The following TENT4A variants were observed in gnomAD, a reference collection of about 807,000 sequenced individuals.
TENT4A encodes the protein DNA polymerase kappa.
TENT4A carries 7 observed loss-of-function variants against 72.8 expected under a neutral mutation model. That is an observed-to-expected ratio of 0.10 (90% CI 0.05 to 0.18). The LOEUF is 0.18. Among genes scored for constraint, TENT4A ranks in the 10% least tolerant of loss-of-function variants. The pLI is 1.00. For synonymous variants in TENT4A, 456 were observed against 434.3 expected, an observed-to-expected ratio of 1.05 and a Z score of -0.62; for missense variants, 831 against 1,017.7, an observed-to-expected ratio of 0.82 and a Z score of 2.50.
chr5:6,746,841 C>T (rs1742130209), intron 7 of TENT4A, among the ~76,000 whole-genome samples: 1 of 152,134 alleles, frequency 6.6e-6, no homozygotes, highest in Non-Finnish European at 1.5e-5. Context: ...TGAACACATC[C>T]CACAACGCAA....
intron 1 of TENT4A, among the ~76,000 whole-genome samples, chr5:6,725,890 T>C (rs779271024): frequency 1.6e-4 from 25 of 152,202 alleles, no homozygotes; most frequent in Non-Finnish European, 3.2e-4. Context: ...GTGTCCAACT[T>C]CAGTTGGAAA....
chr5:6,724,970 T>A lies in TENT4A; in HGVS notation c.716+10271T>A, dbSNP rs1010782884. On this transcript the variant is annotated intron_variant, in intron 1 of 12. Transcript: ENST00000230859. ...AGGTAGTCTCACTCCGTAGCCTGTCTCTTTAGCCACTGGAAATGTAGAGCA... is the reference window on the plus strand; with the variant it reads ...AGGTAGTCTCACTCCGTAGCCTGTCACTTTAGCCACTGGAAATGTAGAGCA... Among the ~76,000 whole-genome samples the A allele has an allele frequency of 2.8e-4, 43 of 152,324 alleles. 1 individual carries two copies. The highest frequency in any genetic ancestry group is 2.6e-3 in the Admixed American group (40 of 15,294).
At chr5:6,718,696 AG>A (rs1451128047) in intron 1 of TENT4A, among the ~76,000 whole-genome samples, 3 of 152,260 alleles carry the variant, frequency 2.0e-5, no homozygotes, top group Non-Finnish European at 4.4e-5. Flanking sequence ...ATTTAGTAAT[AG>A]CATCACTTGT....
chr5:6,721,714 C>A (rs547489213), intron 1 of TENT4A, among the ~76,000 whole-genome samples: 1 of 152,054 alleles, frequency 6.6e-6, no homozygotes, highest in Non-Finnish European at 1.5e-5. Flanking sequence ...ACAGGGTGGG[C>A]GAGATGGGAG....
At chr5:6,717,585 A>C (rs551031916) in intron 1 of TENT4A, among the ~76,000 whole-genome samples, 1 of 152,360 alleles carries the variant, frequency 6.6e-6, no homozygotes, top group Non-Finnish European at 1.5e-5. Flanking sequence ...TGGTGCAAGA[A>C]CCTTCAGAGG....
rs752249306 is a variant in TENT4A, at chr5:6,754,851, G to A, written c.2285G>A (p.Gly762Asp). The change falls in exon 13 of 13, where the codon GGC becomes GAC. Residue 762 changes from glycine to aspartate, a missense_variant. By Grantham distance (94) the Gly-to-Asp change is moderately conservative. Around this residue, in one of 3 missense-constraint regions of TENT4A, gnomAD observed 332 missense variants for 324.3 expected, o/e 1.02. Transcript: ENST00000230859. ...VGSGGVRPPVGNRGHHQYNRT... is the reference protein window; with the variant it reads ...VGSGGVRPPVDNRGHHQYNRT... Reference sequence around the variant, plus strand: ...AGCGGAGGTGTGCGGCCCCCTGTGGGCAACAGGGGACACCACCAGTATAAC... The same window carrying A: ...AGCGGAGGTGTGCGGCCCCCTGTGGACAACAGGGGACACCACCAGTATAAC... 6 of 1,610,092 alleles carry A rather than the reference G, an allele frequency of 3.7e-6. No homozygotes were observed. The highest frequency in any genetic ancestry group is 3.4e-6 in the Non-Finnish European group (4 of 1,177,330).
At chr5:6,752,503 T>C (rs1268962004) in intron 11 of TENT4A, among the ~76,000 whole-genome samples, 1 of 152,260 alleles carries the variant, frequency 6.6e-6, no homozygotes, top group African/African-American at 2.4e-5. Context: ...CCACGGCCTC[T>C]CAGGCCACCA....
intron 2 of TENT4A, among the ~76,000 whole-genome samples, chr5:6,738,196 C>G (rs1007664422): frequency 6.6e-6 from 1 of 152,074 alleles, no homozygotes; most frequent in Non-Finnish European, 1.5e-5. Context: ...GCAGCCTTCC[C>G]TACTGCTGAC....
chr5:6,745,942 C>T (rs1483628452), intron 6 of TENT4A: 9 of 1,059,706 alleles, frequency 8.5e-6, no homozygotes, highest in Non-Finnish European at 1.1e-5. Context: ...TTTGGTTAAT[C>T]AGATATCTGT....
intron 1 of TENT4A, among the ~76,000 whole-genome samples, chr5:6,723,248 G>C (rs992773772): frequency 5.8e-5 from 8 of 137,026 alleles, no homozygotes; most frequent in African/African-American, 2.4e-4. Flanking sequence ...GCGCAGCACA[G>C]AGCAACATGG....
At chr5:6,741,457 T>C (rs914588579) in intron 4 of TENT4A, among the ~76,000 whole-genome samples, 2 of 151,636 alleles carry the variant, frequency 1.3e-5, no homozygotes, top group Non-Finnish European at 2.9e-5. Flanking sequence ...TGGGAAGGAG[T>C]CTATGAGATG....
chr5:6,743,075 G>A (rs572955780), intron 5 of TENT4A, among the ~76,000 whole-genome samples: 121 of 152,288 alleles, frequency 7.9e-4, no homozygotes, highest in African/African-American at 2.7e-3. Flanking sequence ...AGTAGAGGCC[G>A]TGCAGTCCTT....
Position 6,714,103 on chromosome 5 carries a change from T to A in TENT4A, c.120T>A (p.Tyr40Ter). 1 of 981,400 alleles carries A rather than the reference T, an allele frequency of 1.0e-6. No homozygotes were observed. Among genetic ancestry groups the A allele is most frequent in the Non-Finnish European group, 1.2e-6 (1 of 829,726 alleles). The allele number at this position is 981,400 out of a possible 1,614,324, so 60.8% of individuals were successfully genotyped here. The change falls in exon 1 of 13, where the codon TAT becomes TAA. Residue 40 changes from tyrosine to a stop codon, truncating the protein, a stop_gained. Transcript: ENST00000230859. LOFTEE classifies it high-confidence loss of function. The stretch of plus-strand genomic sequence containing the variant: ...GCGGCGGCTCGGGCTTCGCGTCCTA[T>A]TTCTGCCTCAACTCGCCGGCGCTGG... ...VGRGGSGFAS[Y>*]FCLNSPALDT...
intron 1 of TENT4A, among the ~76,000 whole-genome samples, chr5:6,720,494 G>A (rs1359223837): frequency 6.6e-6 from 1 of 152,062 alleles, no homozygotes; most frequent in East Asian, 1.9e-4. Flanking sequence ...CTATAACCAG[G>A]AGAACCTTTC....
At chr5:6,751,658 C>T (rs1742414992) in intron 11 of TENT4A, among the ~76,000 whole-genome samples, 1 of 152,108 alleles carries the variant, frequency 6.6e-6, no homozygotes, top group Non-Finnish European at 1.5e-5. Flanking sequence ...AAGGCTTTTT[C>T]TGTTGGAATA....
chr5:6,750,769 G>C, intron 10 of TENT4A: 1 of 549,532 alleles, frequency 1.8e-6, no homozygotes, highest in Non-Finnish European at 3.2e-6. Flanking sequence ...GGACTTCCTT[G>C]AGTAGTTTTT....
intron 1 of TENT4A, among the ~76,000 whole-genome samples, chr5:6,733,762 G>T (rs942033508): frequency 1.3e-5 from 2 of 152,184 alleles, no homozygotes; most frequent in Non-Finnish European, 1.5e-5. Flanking sequence ...AGTCATAGAT[G>T]AGTAAAGGAG....
intron 11 of TENT4A, 132 bp from the exon 12 acceptor site, chr5:6,752,741 C>A: frequency 1.5e-6 from 1 of 677,430 alleles, no homozygotes; most frequent in Non-Finnish European, 2.5e-6. Flanking sequence ...AATAGTAAAA[C>A]AGACTGCTCT....
intron 6 of TENT4A, 170 bp from the exon 7 acceptor site, chr5:6,746,041 ACTC>A: frequency 6.8e-7 from 1 of 1,465,110 alleles, no homozygotes; most frequent in East Asian, 2.5e-5. Context: ...CCTTTTGAAC[ACTC>A]CTCGTTGAAG....
Sources: allele counts gnomAD v4.1 joint callset (sites outside exome capture counted in the v4.1 genomes callset), GRCh38; gene constraint gnomAD v4.1.1; regional missense constraint gnomAD v4.1.1; transcripts MANE v1.5; gene names NCBI Gene and HGNC (gene_info 2026-07-23, HGNC 2026-07-21).